The following GSE1 variants were observed in gnomAD, a reference collection of about 807,000 sequenced individuals.
GSE1 encodes the protein genetic suppressor element 1.
GSE1 carries 32 observed loss-of-function variants against 112.6 expected under a neutral mutation model. That is an observed-to-expected ratio of 0.28 (90% CI 0.21 to 0.38). GSE1 has a LOEUF of 0.38. Ranked by LOEUF, GSE1 falls within the 10% of genes least tolerant of loss-of-function variation. The probability of loss-of-function intolerance (pLI) is 1.00; values close to 1 mark genes in which losing one functional copy is unlikely to be tolerated. For missense variants in GSE1, 2,348 were observed against 1,699.2 expected (o/e 1.38, Z -6.71); for synonymous variants, 1,115 against 735.6 (o/e 1.52, Z -8.35).
intron 1 of GSE1, among the ~76,000 whole-genome samples, chr16:85,231,484 A>C (rs1342867889): frequency 1.3e-5 from 2 of 152,202 alleles, no homozygotes; most frequent in Non-Finnish European, 2.9e-5. Context: ...GGATGAATAG[A>C]TGGATGGACG....
chr16:85,524,579 A>AG (rs1397907978), intron 2 of GSE1, among the ~76,000 whole-genome samples: 2 of 151,760 alleles, frequency 1.3e-5, no homozygotes, highest in Non-Finnish European at 2.9e-5. Context: ...GGGGGAGCCG[A>AG]GGGGTGCTGA....
intron 2 of GSE1, among the ~76,000 whole-genome samples, chr16:85,393,777 C>T (rs1469187252): frequency 6.6e-6 from 1 of 152,216 alleles, no homozygotes; most frequent in Non-Finnish European, 1.5e-5. Context: ...CCCAGACCCC[C>T]TCTATCTATT....
intron 2 of GSE1, among the ~76,000 whole-genome samples, chr16:85,514,509 C>G (rs973477068): frequency 1.3e-5 from 2 of 148,816 alleles, no homozygotes; most frequent in Non-Finnish European, 3.0e-5. Flanking sequence ...AGGTGGCGGG[C>G]TTGGCTGTGT....
intron 1 of GSE1, among the ~76,000 whole-genome samples, chr16:85,179,204 G>C (rs777451181): frequency 2.0e-5 from 3 of 152,126 alleles, no homozygotes; most frequent in African/African-American, 7.2e-5. Flanking sequence ...TCTGCCCTCT[G>C]TCTTTATGGA....
chr16:85,673,907 A>G lies in GSE1; in HGVS notation c.*1368A>G, dbSNP rs1211550366. 6.6e-6 allele frequency: 1 copy of G among 152,230 alleles called. No homozygotes were observed. Among genetic ancestry groups the G allele is most frequent in the Non-Finnish European group, 1.5e-5 (1 of 68,044 alleles). The allele number at this position is 152,230 out of a possible 1,614,324, so 9.4% of individuals were successfully genotyped here. A position where few individuals can be genotyped will look rare whatever the true frequency, so the allele number is the denominator to read the frequency against. On this transcript the variant is annotated 3_prime_UTR_variant, in exon 16 of 16. Transcript: ENST00000253458. ...ACTTCAGAGGCTTTGTTTAAACGCA[A>G]AGCTTTGTAAAAGCCACAAGGTCTG...
At position 85,269,850 on chromosome 16, in the gene GSE1, C is replaced by T. The variant is rs1421842162; in HGVS notation, c.2284-87613C>T. ...GCACCGTAGGTGGGATGCCTGTGCC[C>T]TACACACACGCCATGTTGATGACCA... is the stretch of plus-strand genomic sequence containing the variant. On this transcript the variant is annotated intron_variant, in intron 1 of 2. Coordinates refer to the GSE1 transcript ENST00000637419. Among the ~76,000 whole-genome samples the T allele has an allele frequency of 4.0e-5, 6 of 149,634 alleles. No homozygotes were observed. The East Asian group carries it at 1.2e-3, about 29-fold the overall frequency.
intron 1 of GSE1, among the ~76,000 whole-genome samples, chr16:85,623,232 T>G (rs932704401): frequency 6.7e-6 from 1 of 149,950 alleles, no homozygotes; most frequent in Non-Finnish European, 1.5e-5. Flanking sequence ...TTTTTTTTTT[T>G]GAGACAGGGT....
At position 85,668,233 on chromosome 16, in the gene GSE1, C is replaced by T. The variant is rs200204743; in HGVS notation, c.3224C>T (p.Pro1075Leu). Residue 1075 changes from proline to leucine, a missense_variant, in exon 14 of 16, where the codon CCT becomes CTT. By Grantham distance (98) the Pro-to-Leu change is moderately conservative. Coordinates refer to ENST00000253458, the MANE Select transcript of GSE1 (RefSeq NM_014615.5). ...IPELQSSSRA[P>L]PPQHNGQQEP... is the part of the protein sequence containing the mutation. ...GAGCTGCAGTCCTCCAGCCGCGCCC[C>T]TCCACCCCAGCACAATGGGCAGCAG... 6.2e-7 allele frequency: 1 copy of T among 1,610,860 alleles called. No homozygotes were observed. The highest frequency in any genetic ancestry group is 8.5e-7 in the Non-Finnish European group (1 of 1,177,054).
intron 1 of GSE1, among the ~76,000 whole-genome samples, chr16:85,187,990 C>T (rs1440037969): frequency 6.6e-6 from 1 of 152,246 alleles, no homozygotes; most frequent in Non-Finnish European, 1.5e-5. Flanking sequence ...AGGACCCCTG[C>T]TCCCAGACTC....
At chr16:85,379,245 G>A (rs1320611249) in intron 2 of GSE1, among the ~76,000 whole-genome samples, 1 of 152,162 alleles carries the variant, frequency 6.6e-6, no homozygotes, top group Non-Finnish European at 1.5e-5. Context: ...GGAGTGTGTT[G>A]CACCAATCAA....
intron 2 of GSE1, among the ~76,000 whole-genome samples, chr16:85,533,386 CT>C (rs2044199620): frequency 6.6e-6 from 1 of 152,104 alleles, no homozygotes; most frequent in Non-Finnish European, 1.5e-5. Context: ...CACCATTGCA[CT>C]CCAGCCTGGG....
At chr16:85,267,607 G>A (rs774167349) in intron 1 of GSE1, among the ~76,000 whole-genome samples, 2 of 152,104 alleles carry the variant, frequency 1.3e-5, no homozygotes, top group African/African-American at 2.4e-5. Context: ...GTATTTTATT[G>A]AGCACCTGCT....
intron 1 of GSE1, among the ~76,000 whole-genome samples, chr16:85,355,897 G>A (rs2046941610): frequency 1.3e-5 from 2 of 151,948 alleles, no homozygotes; most frequent in Non-Finnish European, 2.9e-5. Context: ...CATGGGGGCG[G>A]GCACCTGTAA....
At chr16:85,380,267 T>C (rs569170640) in intron 2 of GSE1, among the ~76,000 whole-genome samples, 18 of 152,274 alleles carry the variant, frequency 1.2e-4, no homozygotes, top group African/African-American at 4.3e-4. Flanking sequence ...GGCTGTGACT[T>C]GAAAGATTCC....
intron 2 of GSE1, among the ~76,000 whole-genome samples, chr16:85,390,601 G>A (rs920244470): frequency 1.3e-5 from 2 of 152,104 alleles, no homozygotes; most frequent in African/African-American, 4.8e-5. Context: ...GGCCTCTCCT[G>A]CTCACTCACC....
chr16:85,534,273 C>T (rs1325699343), intron 2 of GSE1, among the ~76,000 whole-genome samples: 1 of 151,990 alleles, frequency 6.6e-6, no homozygotes, highest in Admixed American at 6.6e-5. Flanking sequence ...AGGTGTGCGC[C>T]ACCACACCTG....
chr16:85,617,887 GA>G (rs1302341270), intron 1 of GSE1, among the ~76,000 whole-genome samples: 1 of 152,142 alleles, frequency 6.6e-6, no homozygotes, highest in Non-Finnish European at 1.5e-5. Flanking sequence ...TGGTGACTCA[GA>G]AATGGACGTC....
intron 1 of GSE1, among the ~76,000 whole-genome samples, chr16:85,176,969 G>A (rs1262635422): frequency 1.3e-5 from 2 of 152,220 alleles, no homozygotes; most frequent in Non-Finnish European, 2.9e-5. Flanking sequence ...GGACCTTCTG[G>A]AAGGTGCCAC....
chr16:85,598,167 GT>G (rs973836177), intron 1 of GSE1, among the ~76,000 whole-genome samples: 1,342 of 71,554 alleles, frequency 0.019, 17 homozygotes, highest in African/African-American at 0.06. Flanking sequence ...AGGTTTGGTT[GT>G]TTTTTTTTTT....
Sources: allele counts gnomAD v4.1 joint callset (sites outside exome capture counted in the v4.1 genomes callset), GRCh38; gene constraint gnomAD v4.1.1; transcripts MANE v1.5; gene names NCBI Gene and HGNC (gene_info 2026-07-23, HGNC 2026-07-21).